The following LMNTD1 variants were observed in gnomAD, a reference collection of about 807,000 sequenced individuals.
LMNTD1 encodes lamin tail domain containing 1.
LMNTD1 carries 35 observed loss-of-function variants against 50.9 expected under a neutral mutation model. The ratio of observed to expected loss-of-function variants is 0.69; its 90% CI spans 0.53 to 0.91. The LOEUF (loss-of-function observed/expected upper bound fraction) is 0.91, where lower values mean the gene tolerates loss of function less well. Among genes scored for constraint, LMNTD1 ranks in the 40% least tolerant of loss-of-function variants. The pLI is 0.00. For missense variants in LMNTD1, 470 were observed against 475.5 expected (o/e 0.99, Z 0.11); for synonymous variants, 153 against 161.9 (o/e 0.94, Z 0.42).
chr12:25,525,892 A>G (rs1941671750), intron 6 of LMNTD1, among the ~76,000 whole-genome samples: 1 of 152,120 alleles, frequency 6.6e-6, no homozygotes, highest in Non-Finnish European at 1.5e-5. Context: ...CAAACACCAC[A>G]TGCTCCCCCA....
At chr12:25,519,586 T>TAAAAAAAAAAAAAAAA (rs781742784) in intron 7 of LMNTD1, among the ~76,000 whole-genome samples, 4,393 of 74,304 alleles carry the variant, frequency 0.059, 961 homozygotes, top group South Asian at 0.073. Flanking sequence ...AGACTCTGTC[T>TAAAAAAAAAAAAAAAA]CAAAAAAAAA....
At chr12:25,526,035 CA>C (rs1370741545) in intron 6 of LMNTD1, 63 bp downstream of exon 6, 3 of 1,316,820 alleles carry the variant, frequency 2.3e-6, no homozygotes, top group African/African-American at 3.1e-5. Flanking sequence ...ATAAAAAATA[CA>C]GATATGCTCA....
At chr12:25,617,131 C>T (rs1037865315) in intron 1 of LMNTD1, among the ~76,000 whole-genome samples, 1 of 152,074 alleles carries the variant, frequency 6.6e-6, no homozygotes, top group Non-Finnish European at 1.5e-5. Context: ...TAGTAAGACT[C>T]AGAAGCTCTG....
At chr12:25,480,475 A>T (rs1237310969) in intron 9 of LMNTD1, among the ~76,000 whole-genome samples, 1 of 152,186 alleles carries the variant, frequency 6.6e-6, no homozygotes, top group Non-Finnish European at 1.5e-5. Context: ...GGAAGGATGC[A>T]AGGCGGCTCC....
rs529616937 is a variant in LMNTD1 at position 25,492,931 on chromosome 12, G to A, written c.*22+10807C>T. Among the ~76,000 whole-genome samples the A allele has an allele frequency of 2.6e-5, 4 of 152,120 alleles. No individual in the cohort carries two copies. In the East Asian group the frequency reaches 7.7e-4, roughly 29 times the overall value. On this transcript the variant is annotated intron_variant, in intron 9 of 9. Coordinates refer to ENST00000458174, the MANE Select transcript of LMNTD1 (RefSeq NM_001145728.2). ...CCTTCTTTTATTCCATATTCTAAAC[G>A]TACCAACATAAATGACCATTCCTTA...
In LMNTD1 at chr12:25,546,473, A is replaced by C. The variant is rs956390768; in HGVS notation, c.392T>G (p.Phe131Cys). 6.2e-7 allele frequency: 1 copy of C among 1,600,596 alleles called. No individual in the cohort carries two copies. The highest frequency in any genetic ancestry group is 1.3e-5 in the African/African-American group (1 of 74,396). The change falls in exon 4 of 10, where the codon TTT becomes TGT. Residue 131 changes from phenylalanine (F) to cysteine (C), a missense_variant. Transcript: ENST00000458174. ...TGCTGTAAGTTTCTTTGAATCACCA[A>C]ACAAAGAAAGGAAATAATCTTCTCC... The part of the protein sequence containing the change: ...GDGEDYFLSL[F>C]GDSKKLTAHS...
At chr12:25,616,702 A>G (rs1442036976) in intron 1 of LMNTD1, among the ~76,000 whole-genome samples, 1 of 151,938 alleles carries the variant, frequency 6.6e-6, no homozygotes, top group African/African-American at 2.4e-5. Context: ...TATTTCTTAA[A>G]TTGCATATGA....
At chr12:25,589,128 C>T (rs950848812) in intron 1 of LMNTD1, among the ~76,000 whole-genome samples, 1 of 152,100 alleles carries the variant, frequency 6.6e-6, no homozygotes, top group South Asian at 2.1e-4. Context: ...TGTACAATGA[C>T]GTTCATAGCA....
At chr12:25,590,378 C>T (rs1306432890) in intron 1 of LMNTD1, among the ~76,000 whole-genome samples, 1 of 152,168 alleles carries the variant, frequency 6.6e-6, no homozygotes, top group Non-Finnish European at 1.5e-5. Context: ...AGAGGAATTT[C>T]CCATCTCAGC....
intron 8 of LMNTD1, among the ~76,000 whole-genome samples, chr12:25,510,922 T>C (rs915625307): frequency 6.6e-5 from 10 of 152,172 alleles, no homozygotes; most frequent in African/African-American, 2.4e-4. Flanking sequence ...TACAATACAG[T>C]GCAATAAATG....
intron 1 of LMNTD1, among the ~76,000 whole-genome samples, chr12:25,633,908 G>A (rs1288789019): frequency 6.6e-6 from 1 of 152,034 alleles, no homozygotes; most frequent in African/African-American, 2.4e-5. Context: ...TCTTTGAAAA[G>A]ATAAATAAAA....
chr12:25,606,331 C>G (rs1946101363), intron 1 of LMNTD1, among the ~76,000 whole-genome samples: 1 of 152,210 alleles, frequency 6.6e-6, no homozygotes, highest in African/African-American at 2.4e-5. Context: ...TTATTTCCTT[C>G]TCCTGCCTGA....
At chr12:25,578,313 C>A (rs74858620) in intron 1 of LMNTD1, among the ~76,000 whole-genome samples, 1 of 152,076 alleles carries the variant, frequency 6.6e-6, no homozygotes, top group African/African-American at 2.4e-5. Flanking sequence ...ACTGCAATGA[C>A]GGTTACTGGG....
intron 1 of LMNTD1, among the ~76,000 whole-genome samples, chr12:25,610,412 T>C (rs1946214713): frequency 6.6e-6 from 1 of 152,158 alleles, no homozygotes; most frequent in African/African-American, 2.4e-5. Flanking sequence ...ATCACCTGTC[T>C]TCTGCATCAG....
intron 4 of LMNTD1, 150 bp from the exon 5 acceptor site, chr12:25,527,105 ACCT>A (rs1941778899): frequency 2.1e-6 from 1 of 480,144 alleles, no homozygotes; most frequent in Non-Finnish European, 3.6e-6. Context: ...ATATTTTGTA[ACCT>A]CAGACAAATG....
chr12:25,589,754 T>C (rs1287396329), intron 1 of LMNTD1, among the ~76,000 whole-genome samples: 1 of 152,228 alleles, frequency 6.6e-6, no homozygotes, highest in Non-Finnish European at 1.5e-5. Flanking sequence ...AGAATAACTA[T>C]AAAAATGCTT....
intron 1 of LMNTD1, among the ~76,000 whole-genome samples, chr12:25,563,263 T>C (rs796658950): frequency 1.3e-5 from 2 of 152,238 alleles, no homozygotes; most frequent in Non-Finnish European, 1.5e-5. Context: ...GGTTTCTCCC[T>C]ATGTTTGTGG....
chr12:25,582,023 C>G lies in LMNTD1; in HGVS notation c.59-35469G>C, dbSNP rs561044867. On this transcript the variant is annotated intron_variant, in intron 1 of 7. Coordinates refer to the LMNTD1 transcript ENST00000445693. ...ACTTCCTTTATTCCTCGACTTTTATCTCATCCTCATCCATGTGAAGGGGCA... is the reference window on the plus strand; with the variant it reads ...ACTTCCTTTATTCCTCGACTTTTATGTCATCCTCATCCATGTGAAGGGGCA... 9.2e-5 allele frequency among the ~76,000 whole-genome samples: 14 copies of G among 152,340 alleles called. No individual in the cohort carries two copies. The South Asian group carries it at 2.7e-3, about 29-fold the overall frequency.
intron 1 of LMNTD1, among the ~76,000 whole-genome samples, chr12:25,590,413 C>T (rs1792646293): frequency 6.6e-6 from 1 of 152,210 alleles, no homozygotes; most frequent in African/African-American, 2.4e-5. Context: ...TTTCCCAAAG[C>T]CTTGCCACTG....
Sources: gnomAD v4.1 joint callset for allele counts (sites outside exome capture counted in the v4.1 genomes callset) on GRCh38, gnomAD v4.1.1 for gene constraint, MANE v1.5 for transcripts, NCBI Gene and HGNC (gene_info 2026-07-23, HGNC 2026-07-21) for gene names.